The following SPIN1 variants were observed in gnomAD, a reference collection of about 807,000 sequenced individuals.
SPIN1 encodes spindlin-1.
SPIN1 carries 3 observed loss-of-function variants against 26.0 expected under a neutral mutation model. The ratio of observed to expected loss-of-function variants is 0.12; its 90% CI spans 0.05 to 0.30. The LOEUF (loss-of-function observed/expected upper bound fraction) is 0.30, where lower values mean the gene tolerates loss of function less well. SPIN1 is among the 10% of genes least tolerant of loss of function. The probability of loss-of-function intolerance (pLI) is 1.00; values close to 1 mark genes in which losing one functional copy is unlikely to be tolerated. For synonymous variants in SPIN1, 101 were observed against 116.5 expected (o/e 0.87, Z 0.86); for missense variants, 126 against 333.4 (o/e 0.38, Z 4.84).
intron 2 of SPIN1, among the ~76,000 whole-genome samples, chr9:88,439,473 TA>T (rs1402643173): frequency 6.6e-6 from 1 of 152,206 alleles, no homozygotes; most frequent in East Asian, 1.9e-4. Flanking sequence ...ATATGAAACA[TA>T]AATAAATTTT....
At chr9:88,411,468 G>A (rs1324918942) in intron 1 of SPIN1, 23 of 1,134,550 alleles carry the variant, frequency 2.0e-5, no homozygotes, top group Admixed American at 8.3e-5. Flanking sequence ...AGACATGATG[G>A]CATGGAGAAG....
intron 5 of SPIN1, among the ~76,000 whole-genome samples, chr9:88,474,645 A>G (rs932341255): frequency 6.6e-6 from 1 of 152,202 alleles, no homozygotes; most frequent in Non-Finnish European, 1.5e-5. Context: ...CTTTCAAATT[A>G]TATTTCAAAG....
At chr9:88,456,030 G>A (rs992862463) in intron 3 of SPIN1, among the ~76,000 whole-genome samples, 5 of 152,066 alleles carry the variant, frequency 3.3e-5, no homozygotes, top group African/African-American at 1.2e-4. Flanking sequence ...AATTAATGGG[G>A]CCTATTGTTA....
intron 3 of SPIN1, among the ~76,000 whole-genome samples, chr9:88,458,570 G>GT (rs916268492): frequency 1.3e-5 from 2 of 152,150 alleles, no homozygotes; most frequent in African/African-American, 4.8e-5. Flanking sequence ...CTGCTAACAG[G>GT]TGTGGGAGGG....
intron 1 of SPIN1, among the ~76,000 whole-genome samples, chr9:88,415,449 G>T (rs928336834): frequency 6.6e-6 from 1 of 151,942 alleles, no homozygotes; most frequent in Non-Finnish European, 1.5e-5. Context: ...TTTGAGAAAG[G>T]TCTTGCTCTG....
intron 3 of SPIN1, among the ~76,000 whole-genome samples, chr9:88,457,062 T>C (rs1042537416): frequency 1.3e-5 from 2 of 152,144 alleles, no homozygotes; most frequent in African/African-American, 2.4e-5. Flanking sequence ...AGTTGAATCA[T>C]GGAGAATTGA....
At chr9:88,468,321 G>GT in intron 4 of SPIN1, 51 bp from the exon 5 acceptor site, 1 of 1,345,792 alleles carries the variant, frequency 7.4e-7, no homozygotes, top group Admixed American at 2.7e-5. Flanking sequence ...TTCATAGTCG[G>GT]TAATCAGCGA....
intron 3 of SPIN1, among the ~76,000 whole-genome samples, chr9:88,460,355 TCTTTA>T (rs1316843001): frequency 3.9e-5 from 6 of 152,224 alleles, no homozygotes; most frequent in African/African-American, 7.2e-5. Flanking sequence ...AATTATTGAT[TCTTTA>T]CTTTGTTTGG....
Position 88,426,603 on chromosome 9 carries a change from G to A in SPIN1, c.52+12G>A, listed in dbSNP as rs202014664. 1.2e-5 allele frequency: 19 copies of A among 1,608,776 alleles called. No homozygotes were observed. The highest frequency in any genetic ancestry group is 1.4e-5 in the Non-Finnish European group (17 of 1,177,214). On this transcript the variant is annotated intron_variant, in intron 2 of 5. Transcript: ENST00000375859. ...CAGAGCTGATGCAGGTAGGCATTGC[G>A]GTTCTACACATATTTAAATATATAC...
intron 1 of SPIN1, among the ~76,000 whole-genome samples, chr9:88,397,775 C>G (rs1448596985): frequency 6.6e-6 from 1 of 152,008 alleles, no homozygotes; most frequent in East Asian, 1.9e-4. Flanking sequence ...GTGCGTGCCA[C>G]CATGCCTGGC....
chr9:88,423,701 C>T (rs1017753363), intron 1 of SPIN1, among the ~76,000 whole-genome samples: 22 of 151,684 alleles, frequency 1.5e-4, no homozygotes, highest in Non-Finnish European at 2.9e-5. Flanking sequence ...CAGGTGTGAA[C>T]CACTGTGCCC....
intron 5 of SPIN1, among the ~76,000 whole-genome samples, chr9:88,470,119 A>G (rs1433285932): frequency 1.3e-5 from 2 of 152,198 alleles, no homozygotes; most frequent in East Asian, 3.9e-4. Flanking sequence ...TTGAGATTTC[A>G]TTCACGCTGT....
intron 3 of SPIN1, among the ~76,000 whole-genome samples, chr9:88,450,263 G>A (rs527925330): frequency 7.9e-5 from 12 of 152,252 alleles, no homozygotes; most frequent in Admixed American, 3.9e-4. Context: ...TAAATATTAG[G>A]TAATGATGAA....
At position 88,423,726 on chromosome 9, in the gene SPIN1, A is replaced by ATT. The variant is rs201525377; in HGVS notation, c.-158-2641_-158-2640dup. Among the ~76,000 whole-genome samples the ATT allele has an allele frequency of 1.1e-3, 140 of 129,680 alleles. 1 individual carries two copies. In the South Asian group the frequency reaches 0.024, roughly 22 times the overall value. 85.1% of individuals were successfully genotyped at this position (129,680 alleles called of 152,430 possible). ...CCACTGTGCCCAGCCTACATCATGT[A>ATT]TTTTTTTTTTTTTTTTAATAAAAAG... is the stretch of plus-strand genomic sequence containing the variant. On this transcript the variant is annotated intron_variant, in intron 1 of 5. Transcript: ENST00000375859.
chr9:88,468,568 T>C lies in SPIN1; in HGVS notation c.552T>C (p.Asp184=). The change falls in exon 5 of 6, where the codon GAT becomes GAC. Residue 184 remains aspartate, a synonymous_variant. Coordinates refer to ENST00000375859, the MANE Select transcript of SPIN1 (RefSeq NM_006717.3). ...TGTACATGTACCAACTCTTAGATGA[T>C]TACAAAGAAGGCGACCTTCGCATTA... ...PVLYMYQLLD[D]YKEGDLRIMP... 1 of 1,584,518 alleles carries C rather than the reference T, an allele frequency of 6.3e-7. No individual in the cohort carries two copies. The highest frequency in any genetic ancestry group is 8.6e-7 in the Non-Finnish European group (1 of 1,167,316).
At chr9:88,446,645 TG>T (rs1420310781) in intron 2 of SPIN1, among the ~76,000 whole-genome samples, 7 of 152,114 alleles carry the variant, frequency 4.6e-5, no homozygotes, top group Admixed American at 4.6e-4. Context: ...TGACCTCATG[TG>T]ATCCACCCTC....
intron 3 of SPIN1, chr9:88,457,678 G>A (rs1226382656): frequency 1.3e-5 from 3 of 234,082 alleles, no homozygotes; most frequent in African/African-American, 2.3e-5. Context: ...AAAAGACTTT[G>A]AACCTGATTT....
At chr9:88,446,630 A>G (rs951853181) in intron 2 of SPIN1, among the ~76,000 whole-genome samples, 2 of 149,666 alleles carry the variant, frequency 1.3e-5, no homozygotes, top group Non-Finnish European at 3.0e-5. Context: ...CTGGTCTTGA[A>G]CTCCTGACCT....
chr9:88,399,663 A>G (rs1415554069), intron 1 of SPIN1, among the ~76,000 whole-genome samples: 1 of 152,200 alleles, frequency 6.6e-6, no homozygotes, highest in Non-Finnish European at 1.5e-5. Context: ...GAGCAGCAAC[A>G]GTGTGTGCAA....
Sources: gnomAD v4.1 joint callset for allele counts (sites outside exome capture counted in the v4.1 genomes callset) on GRCh38, gnomAD v4.1.1 for gene constraint, MANE v1.5 for transcripts, NCBI Gene and HGNC (gene_info 2026-07-23, HGNC 2026-07-21) for gene names.